DNAH17: variants seen among roughly 807,000 people sequenced by gnomAD.
DNAH17 encodes dynein axonemal heavy chain 17.
DNAH17 carries 376 observed loss-of-function variants against 485.6 expected under a neutral mutation model. The ratio of observed to expected loss-of-function variants is 0.77; its 90% confidence interval spans 0.71 to 0.84. The LOEUF is 0.84. Ranked by LOEUF, DNAH17 falls within the 40% of genes least tolerant of loss-of-function variation. The pLI, the probability that DNAH17 is intolerant of heterozygous loss-of-function variation, is 0.00. For missense variants in DNAH17, 6,370 were observed against 5,839.3 expected (o/e 1.09, Z -2.96); for synonymous variants, 3,031 against 2,405.9 (o/e 1.26, Z -7.60).
intron 70 of DNAH17, 82 bp downstream of exon 70, chr17:78,445,476 C>A: frequency 6.6e-7 from 1 of 1,504,360 alleles, no homozygotes; most frequent in Non-Finnish European, 8.9e-7. Flanking sequence ...GGTATTCTGG[C>A]CTTGGAAACA....
intron 18 of DNAH17, among the ~76,000 whole-genome samples, chr17:78,538,544 G>A (rs61345070): frequency 0.11 from 16,118 of 152,196 alleles, 1,030 homozygotes; most frequent in South Asian, 0.23. Flanking sequence ...CAGTATCTGA[G>A]TGAGGTGCTA....
intron 33 of DNAH17, 162 bp downstream of exon 33, chr17:78,502,429 C>T (rs568116998): frequency 1.3e-5 from 8 of 602,386 alleles, no homozygotes; most frequent in African/African-American, 1.1e-4. Flanking sequence ...TGGTGCGTGG[C>T]TGTTATTTGG....
At chr17:78,506,585 G>A (rs931176248) in intron 30 of DNAH17, 135 bp downstream of exon 30, 3 of 1,323,954 alleles carry the variant, frequency 2.3e-6, no homozygotes, top group Middle Eastern at 2.7e-4. Flanking sequence ...AGCTTCTGGT[G>A]CAGAGGGCCT....
At chr17:78,459,234 G>A (rs767464344) in intron 60 of DNAH17, 26 bp from the exon 61 acceptor site, 2 of 1,607,308 alleles carry the variant, frequency 1.2e-6, no homozygotes, top group Non-Finnish European at 8.5e-7. Flanking sequence ...GAGGGCCGGA[G>A]TCGTCACCCT....
intron 64 of DNAH17, among the ~76,000 whole-genome samples, chr17:78,453,949 C>T (rs2087671011): frequency 6.6e-6 from 1 of 152,148 alleles, no homozygotes; most frequent in Non-Finnish European, 1.5e-5. Flanking sequence ...CTCAAGCGAT[C>T]CTCCTTCCTC....
chr17:78,565,987 A>C (rs564002606), intron 11 of DNAH17, among the ~76,000 whole-genome samples: 1 of 152,028 alleles, frequency 6.6e-6, no homozygotes, highest in African/African-American at 2.4e-5. Context: ...AACAAAACAA[A>C]AAACAAACAA....
chr17:78,450,840 G>C lies in DNAH17; in HGVS notation c.10741C>G (p.Leu3581Val). The C allele has an allele frequency of 1.2e-6, 2 of 1,613,938 alleles. No individual in the cohort carries two copies. Among genetic ancestry groups the C allele is most frequent in the Non-Finnish European group, 1.7e-6 (2 of 1,179,874 alleles). Residue 3581 changes from leucine to valine, a missense_variant, in exon 67 of 81, where the codon CTC becomes GTC. By Grantham distance (32) the Leu-to-Val change is conservative. Coordinates refer to ENST00000389840, the MANE Select transcript of DNAH17 (RefSeq NM_173628.4). ...RPDLEQLKAN[L>V]TKSQNEFKIV... is the part of the protein sequence containing the mutation. ...TTAAATTCGTTTTGAGACTTGGTGA[G>C]GTTTGCCTGCAAGGGGAGGTGCAGG...
intron 1 of DNAH17, among the ~76,000 whole-genome samples, chr17:78,576,020 G>T (rs2092428260): frequency 6.6e-6 from 1 of 152,218 alleles, no homozygotes; most frequent in African/African-American, 2.4e-5. Context: ...AATCTGGGAG[G>T]TATGCAGCTC....
intron 54 of DNAH17, among the ~76,000 whole-genome samples, chr17:78,474,034 G>A (rs1274332049): frequency 1.3e-5 from 2 of 152,214 alleles, no homozygotes; most frequent in South Asian, 2.1e-4. Context: ...CTGCTGGGAA[G>A]GCAGAGAACA....
chr17:78,479,426 T>A (rs1261088220), intron 50 of DNAH17, 59 bp downstream of exon 50: 1 of 1,521,950 alleles, frequency 6.6e-7, no homozygotes, highest in African/African-American at 1.4e-5. Flanking sequence ...TGAAGAACCA[T>A]CAGCCCACAG....
At position 78,500,760 on chromosome 17, in the gene DNAH17, C is replaced by A. The variant is rs137997054; in HGVS notation, c.5484-299G>T. On this transcript the variant is annotated intron_variant, in intron 35 of 80. Transcript: ENST00000389840. ...CTGACGTCAGGTGATCCACCCACCT[C>A]GGCCTCCCAAAGTGCTGGGATTACA... 6 of 227,400 alleles carry A rather than the reference C, an allele frequency of 2.6e-5. No individual in the cohort carries two copies. In the South Asian group the frequency reaches 4.1e-4, roughly 16 times the overall value. 14.1% of individuals were successfully genotyped at this position (227,400 alleles called of 1,614,324 possible).
chr17:78,494,507 G>A (rs372265134), intron 40 of DNAH17, 86 bp downstream of exon 40: 19 of 1,407,812 alleles, frequency 1.3e-5, no homozygotes, highest in South Asian at 1.0e-4. Flanking sequence ...TGTGTGACAC[G>A]GGTCTCCACC....
chr17:78,502,705 G>C lies in DNAH17; in HGVS notation c.5083-7C>G. On this transcript the variant is annotated splice_polypyrimidine_tract_variant and splice_region_variant and intron_variant, in intron 32 of 80. Transcript: ENST00000389840. ...GGGTGCAAGTCAGGGCCACCTGAAA[G>C]TACATACCCCCCATTGCCCACGCAG... is the stretch of plus-strand genomic sequence containing the variant. 6.2e-7 allele frequency: 1 copy of C among 1,610,436 alleles called. No individual in the cohort carries two copies. The highest frequency in any genetic ancestry group is 8.5e-7 in the Non-Finnish European group (1 of 1,179,600).
chr17:78,475,582 C>A lies in DNAH17; in HGVS notation c.8319+87G>T, dbSNP rs191348360. On this transcript the variant is annotated intron_variant, in intron 53 of 80. Transcript: ENST00000389840. ...GCACTGTGTGCCACGCAGCCCCACA[C>A]AATGCCACTCGGATGTCGATAATGC... 109 of 1,601,674 alleles carry A rather than the reference C, an allele frequency of 6.8e-5. No individual in the cohort carries two copies. The South Asian group carries it at 1.2e-3, about 17-fold the overall frequency.
chr17:78,496,627 A>G (rs1032328734), intron 37 of DNAH17: 5 of 147,072 alleles, frequency 3.4e-5, no homozygotes, highest in Non-Finnish European at 6.0e-5. Flanking sequence ...TGGATGTTAT[A>G]TAAGTGGAAT....
At chr17:78,504,115 G>C (rs2090402970) in intron 31 of DNAH17, among the ~76,000 whole-genome samples, 1 of 151,756 alleles carries the variant, frequency 6.6e-6, no homozygotes, top group African/African-American at 2.4e-5. Flanking sequence ...ACCCAGACTG[G>C]AGTGTAGTGG....
In DNAH17 at chr17:78,444,794, G is replaced by C. The variant is rs775978419; in HGVS notation, c.11338C>G (p.Leu3780Val). The change falls in exon 71 of 81, where the codon CTC (leucine) becomes GTC (valine). Residue 3780 changes from leucine (L) to valine (V), a missense_variant. By Grantham distance (32) the Leu-to-Val change is conservative (BLOSUM62 1). Transcript: ENST00000389840. ...QHQGWGGIKA[L>V]SEMDEFKNLD... The stretch of plus-strand genomic sequence containing the variant: ...TTTTTGAACTCATCCATCTCCGAGA[G>C]GGCCTAGGGGCAGAGGCAGCGGGCC... 4 of 1,565,026 alleles carry C rather than the reference G, an allele frequency of 2.6e-6. No individual in the cohort carries two copies. Among genetic ancestry groups the C allele is most frequent in the Non-Finnish European group, 3.5e-6 (4 of 1,157,860 alleles).
chr17:78,501,274 C>T lies in DNAH17; in HGVS notation c.5393G>A (p.Cys1798Tyr). 6.2e-7 allele frequency: 1 copy of T among 1,609,090 alleles called. No homozygotes were observed. Among genetic ancestry groups the T allele is most frequent in the East Asian group, 2.2e-5 (1 of 44,676 alleles). ...TTGGGCATCGCAGATGTTGGCAAAG[C>T]AGTGTCGCTTCTCTTCGTCCCAGCG... ...RHRWDEEKRH[C>Y]FANICDAQIQ... Residue 1798 changes from cysteine (C) to tyrosine (Y), a missense_variant, in exon 35 of 81, where the codon TGC becomes TAC. Coordinates refer to ENST00000389840, the MANE Select transcript of DNAH17 (RefSeq NM_173628.4).
intron 31 of DNAH17, among the ~76,000 whole-genome samples, chr17:78,504,294 A>G (rs910733537): frequency 2.6e-5 from 4 of 151,844 alleles, no homozygotes; most frequent in Admixed American, 2.6e-4. Context: ...TGAACTCCCG[A>G]CCTCAGATGA....
Sources: allele counts gnomAD v4.1 joint callset (sites outside exome capture counted in the v4.1 genomes callset), GRCh38; gene constraint gnomAD v4.1.1; transcripts MANE v1.5; gene names NCBI Gene and HGNC (gene_info 2026-07-23, HGNC 2026-07-21).